FBXL20: variants seen among roughly 807,000 people sequenced by gnomAD.
FBXL20 encodes the protein F-box and leucine rich repeat protein 20.
In FBXL20, 11 loss-of-function variants were observed where a neutral mutation model predicts 64.0. The ratio of observed to expected loss-of-function variants is 0.17; its 90% CI spans 0.11 to 0.28. FBXL20 has a LOEUF of 0.28. FBXL20 is among the 10% of genes least tolerant of loss of function. FBXL20 has a pLI of 1.00. For synonymous variants in FBXL20, 184 were observed against 189.0 expected (o/e 0.97, Z 0.22); for missense variants, 303 against 526.2 (o/e 0.58, Z 4.15).
At chr17:39,282,657 G>C (rs1021916787) in intron 8 of FBXL20, 72 bp downstream of exon 8, 5 of 1,592,582 alleles carry the variant, frequency 3.1e-6, no homozygotes, top group South Asian at 1.1e-5. Flanking sequence ...AAACATCTTG[G>C]GGCTGTCTAT....
intron 13 of FBXL20, 79 bp from the exon 14 acceptor site, chr17:39,264,466 A>C: frequency 2.7e-6 from 4 of 1,503,524 alleles, no homozygotes; most frequent in Non-Finnish European, 2.7e-6. Flanking sequence ...TGAATTGGAA[A>C]GGAGACATTT....
chr17:39,280,626 G>A (rs909523929), intron 9 of FBXL20, among the ~76,000 whole-genome samples: 2 of 151,962 alleles, frequency 1.3e-5, no homozygotes, highest in Non-Finnish European at 2.9e-5. Flanking sequence ...CATTCTAGGT[G>A]CCTGAATAGT....
At chr17:39,367,935 T>G (rs1439673254) in intron 1 of FBXL20, among the ~76,000 whole-genome samples, 1 of 151,262 alleles carries the variant, frequency 6.6e-6, no homozygotes, top group Non-Finnish European at 1.5e-5. Flanking sequence ...AGCTAATTTT[T>G]TTTTTCTTTT....
chr17:39,329,467 A>G (rs564160636), intron 2 of FBXL20, among the ~76,000 whole-genome samples: 6 of 152,276 alleles, frequency 3.9e-5, no homozygotes, highest in African/African-American at 1.2e-4. Context: ...CCTTTACTAT[A>G]AAGGATATAA....
chr17:39,362,097 C>T (rs1257177292), intron 1 of FBXL20, among the ~76,000 whole-genome samples: 1 of 150,958 alleles, frequency 6.6e-6, no homozygotes, highest in African/African-American at 2.4e-5. Context: ...ACCATCCTGG[C>T]TAACACGGTG....
In FBXL20 at chr17:39,275,057, T is replaced by C. The variant is rs2046877745; in HGVS notation, c.740A>G (p.His247Arg). 6.2e-7 allele frequency: 1 copy of C among 1,614,106 alleles called. No individual in the cohort carries two copies. Among genetic ancestry groups the C allele is most frequent in the Non-Finnish European group, 8.5e-7 (1 of 1,179,994 alleles). ...AGAGGCACAAAGGGATTGTAACTTA[T>C]GGCACCCTCTGCATATAGTAATGAG... The part of the protein sequence containing the change: ...EGLITICRGC[H>R]KLQSLCASGC... The change falls in exon 10 of 15, where the codon CAT (histidine) becomes CGT (arginine). Residue 247 changes from histidine to arginine, a missense_variant. Physicochemically the swap from His to Arg is conservative, Grantham distance 29 (BLOSUM62 0). Around this residue, in one of 3 missense-constraint regions of FBXL20, gnomAD observed 246 missense variants for 422.6 expected, o/e 0.58. Coordinates refer to ENST00000264658, the MANE Select transcript of FBXL20 (RefSeq NM_032875.3).
In FBXL20 at chr17:39,401,590, G is replaced by A; in HGVS notation, c.-188C>T. On this transcript the variant is annotated 5_prime_UTR_variant, in exon 1 of 15. Coordinates refer to ENST00000264658, the MANE Select transcript of FBXL20 (RefSeq NM_032875.3). Reference sequence around the variant, plus strand: ...TCCACCACCTCCCGCGGCGCCGGCGGCCGCAACGACTGCTCGTCGCTAGCT... The same window carrying A: ...TCCACCACCTCCCGCGGCGCCGGCGACCGCAACGACTGCTCGTCGCTAGCT... 1 of 1,402,790 alleles carries A rather than the reference G, an allele frequency of 7.1e-7. No homozygotes were observed. The highest frequency in any genetic ancestry group is 3.2e-5 in the Admixed American group (1 of 31,314). 86.9% of individuals were successfully genotyped at this position (1,402,790 alleles called of 1,614,324 possible). A position where few individuals can be genotyped will look rare whatever the true frequency, so the allele number is the denominator to read the frequency against.
intron 6 of FBXL20, among the ~76,000 whole-genome samples, chr17:39,295,874 C>T (rs1281132980): frequency 1.2e-4 from 18 of 151,130 alleles, no homozygotes; most frequent in Admixed American, 1.2e-3. Context: ...CTTCATTTAA[C>T]AACATGTCCT....
intron 10 of FBXL20, among the ~76,000 whole-genome samples, chr17:39,272,168 C>T (rs555910096): frequency 1.2e-3 from 176 of 151,928 alleles, no homozygotes; most frequent in South Asian, 2.1e-3. Context: ...AGGCGGATCA[C>T]GAGGTCAGGA....
chr17:39,285,438 T>G (rs1156294880), intron 7 of FBXL20, 40 bp downstream of exon 7: 1 of 1,372,650 alleles, frequency 7.3e-7, no homozygotes, highest in South Asian at 1.4e-5. Flanking sequence ...AATATGTATT[T>G]TTTTTTGATT....
chr17:39,303,917 C>T (rs1597786214), intron 2 of FBXL20, among the ~76,000 whole-genome samples: 2 of 152,236 alleles, frequency 1.3e-5, no homozygotes, highest in East Asian at 3.9e-4. Context: ...AACTCTTGGG[C>T]TCAAGCAATT....
chr17:39,288,751 C>T (rs1360606888), intron 6 of FBXL20, among the ~76,000 whole-genome samples: 4 of 151,858 alleles, frequency 2.6e-5, no homozygotes, highest in African/African-American at 9.7e-5. Flanking sequence ...CTTTGTCACC[C>T]AGGCTGGAGT....
intron 1 of FBXL20, among the ~76,000 whole-genome samples, chr17:39,379,482 T>C (rs535011724): frequency 7.1e-5 from 5 of 69,948 alleles, no homozygotes; most frequent in African/African-American, 1.5e-4. Context: ...CCCCATCCCT[T>C]ACCAAAAAAA....
intron 1 of FBXL20, among the ~76,000 whole-genome samples, chr17:39,391,634 C>T (rs1010449774): frequency 6.6e-6 from 1 of 152,126 alleles, no homozygotes; most frequent in Non-Finnish European, 1.5e-5. Context: ...CTGATGACAT[C>T]ACCTTAAAGC....
chr17:39,298,701 G>C (rs1224354621), intron 5 of FBXL20, among the ~76,000 whole-genome samples: 1 of 152,074 alleles, frequency 6.6e-6, no homozygotes, highest in Non-Finnish European at 1.5e-5. Flanking sequence ...GTGATAGTGT[G>C]AGACCTTGTC....
In FBXL20 at chr17:39,257,530, AT is replaced by A. The variant is rs1487315821; in HGVS notation, c.*3929del. The A allele has an allele frequency of 6.6e-6, 1 of 152,242 alleles. No individual in the cohort carries two copies. Among genetic ancestry groups the A allele is most frequent in the East Asian group, 1.9e-4 (1 of 5,202 alleles). The allele number at this position is 152,242 out of a possible 1,614,324, so 9.4% of individuals were successfully genotyped here. ...CAAGAGCAGAATAGGAGAAGAAAAC[AT>A]TTTTTACACAAAGCACAATATGCTT... On this transcript the variant is annotated 3_prime_UTR_variant, in exon 15 of 15. Coordinates refer to ENST00000264658, the MANE Select transcript of FBXL20 (RefSeq NM_032875.3).
intron 1 of FBXL20, among the ~76,000 whole-genome samples, chr17:39,389,937 G>A (rs1345165253): frequency 6.6e-6 from 1 of 152,208 alleles, no homozygotes; most frequent in African/African-American, 2.4e-5. Context: ...GAGGTAGGGT[G>A]CGGTTAAAAG....
In FBXL20 at chr17:39,340,157, C is replaced by T. The variant is rs539746969; in HGVS notation, c.104+3023G>A. ...CTGTTGTGAGGCTGGAGCGCGGTGG[C>T]GCGATCTTGGCTCACTGCAACCTCT... is the stretch of plus-strand genomic sequence containing the variant. On this transcript the variant is annotated intron_variant, in intron 2 of 14. Coordinates refer to ENST00000264658, the MANE Select transcript of FBXL20 (RefSeq NM_032875.3). 5.3e-5 allele frequency among the ~76,000 whole-genome samples: 8 copies of T among 152,046 alleles called. No individual in the cohort carries two copies. The South Asian group carries it at 1.5e-3, about 28-fold the overall frequency.
At chr17:39,329,718 T>C (rs1044062528) in intron 2 of FBXL20, among the ~76,000 whole-genome samples, 2 of 151,956 alleles carry the variant, frequency 1.3e-5, no homozygotes, top group Non-Finnish European at 2.9e-5. Context: ...GGAAAAAAGG[T>C]CGGGTATGGT....
Sources: allele counts gnomAD v4.1 joint callset (sites outside exome capture counted in the v4.1 genomes callset), GRCh38; gene constraint gnomAD v4.1.1; regional missense constraint gnomAD v4.1.1; transcripts MANE v1.5; gene names NCBI Gene and HGNC (gene_info 2026-07-23, HGNC 2026-07-21).